ZMAT1: variants seen among roughly 807,000 people sequenced by gnomAD.
ZMAT1 encodes zinc finger matrin-type 1, also known as zinc finger matrin-type protein 1.
In ZMAT1, 11 loss-of-function variants were observed where a neutral mutation model predicts 18.5. That is an observed-to-expected ratio of 0.59 (90% confidence interval 0.37 to 0.98). ZMAT1 has a LOEUF of 0.98. ZMAT1 is among the 50% of genes least tolerant of loss of function. The probability of loss-of-function intolerance (pLI) is 0.01; values close to 1 mark genes in which losing one functional copy is unlikely to be tolerated. For missense variants in ZMAT1, 525 were observed against 496.2 expected (o/e 1.06, Z -0.55); for synonymous variants, 211 against 176.4 (o/e 1.20, Z -1.55).
chrX:101,884,814 T>C lies in ZMAT1; in HGVS notation c.784A>G (p.Ile262Val), dbSNP rs760026531. 1.2e-5 allele frequency: 13 copies of C among 1,110,894 alleles called. No homozygotes were observed. The highest frequency in any genetic ancestry group is 1.6e-5 in the Non-Finnish European group (13 of 812,161). The allele number at this position is 1,110,894 out of a possible 1,213,427, so 91.6% of individuals were successfully genotyped here. A position where few individuals can be genotyped will look rare whatever the true frequency, so the allele number is the denominator to read the frequency against. Residue 262 changes from isoleucine (I) to valine (V), a missense_variant, in exon 6 of 6, where the codon ATT (isoleucine) becomes GTT (valine). Ile to Val is a conservative substitution (Grantham distance 29). Coordinates refer to ENST00000651725, the MANE Select transcript of ZMAT1 (RefSeq NM_001394560.1). The part of the protein sequence containing the change: ...QGSEHQIKES[I>V]VINLVKNSRK... ...GAATTCTTCACTAGATTGATAACAA[T>C]GGATTCTCTGTAAAGAAGACAGTAG...
intron 1 of ZMAT1, chrX:101,911,637 C>A (rs1928968984): frequency 8.3e-7 from 1 of 1,200,309 alleles, no homozygotes; most frequent in African/African-American, 1.8e-5. Context: ...ATTAGCGAAT[C>A]CACGCTGGGG....
chrX:101,920,651 C>T (rs190222393), intron 1 of ZMAT1, among the ~76,000 whole-genome samples: 1 of 111,927 alleles, frequency 8.9e-6, no homozygotes, highest in East Asian at 2.8e-4. Flanking sequence ...CGGATTTATC[C>T]AAATTTTTTC....
Position 101,883,631 on chromosome X carries a change from T to C in ZMAT1, c.1967A>G (p.Lys656Arg), listed in dbSNP as rs1212358960. 7 of 1,207,476 alleles carry C rather than the reference T, an allele frequency of 5.8e-6. No individual in the cohort carries two copies. The highest frequency in any genetic ancestry group is 7.8e-6 in the Non-Finnish European group (7 of 894,549). The change falls in exon 6 of 6, where the codon AAA (lysine) becomes AGA (arginine). Residue 656 changes from lysine to arginine, a missense_variant. Transcript: ENST00000651725. ...CTCGGAGGGTACATCATGGCTTTTT[T>C]TCTTTTTTCGATGCTTAAGCTTTCC... ...SSGKLKHRKK[K>R]KSHDVPSEKE...
At chrX:101,925,958 C>T (rs1930030546) in intron 1 of ZMAT1, among the ~76,000 whole-genome samples, 1 of 112,154 alleles carries the variant, frequency 8.9e-6, no homozygotes. Flanking sequence ...TCAAATATCC[C>T]GTGAGGCAAA....
At chrX:101,928,556 AC>A (rs1270988906) in intron 1 of ZMAT1, among the ~76,000 whole-genome samples, 1 of 112,059 alleles carries the variant, frequency 8.9e-6, no homozygotes, top group Non-Finnish European at 1.9e-5. Flanking sequence ...ACAGGGTTTC[AC>A]CGTGTTAGCC....
intron 1 of ZMAT1, among the ~76,000 whole-genome samples, chrX:101,927,380 G>A (rs1930119079): frequency 8.9e-6 from 1 of 111,891 alleles, no homozygotes; most frequent in Non-Finnish European, 1.9e-5. Flanking sequence ...ACCACTCACA[G>A]CTATAATGCT....
chrX:101,906,770 C>CA (rs1236442586), intron 1 of ZMAT1, among the ~76,000 whole-genome samples: 13 of 112,188 alleles, frequency 1.2e-4, no homozygotes, highest in Non-Finnish European at 2.4e-4. Flanking sequence ...TCTGCAGACT[C>CA]AGGCTCCAGG....
intron 1 of ZMAT1, among the ~76,000 whole-genome samples, chrX:101,929,443 A>C (rs1422986057): frequency 1.2e-5 from 1 of 85,781 alleles, no homozygotes; most frequent in African/African-American, 4.8e-5. Context: ...ATATATATAT[A>C]TATATATATA....
chrX:101,898,336 TAC>T (rs755106934), intron 2 of ZMAT1, 116 bp from the exon 3 acceptor site: 8 of 569,299 alleles, frequency 1.4e-5, no homozygotes, highest in Non-Finnish European at 2.2e-5. Context: ...TCAAACTTGG[TAC>T]AGACTCACAT....
intron 1 of ZMAT1, among the ~76,000 whole-genome samples, chrX:101,927,582 T>A (rs1930131957): frequency 8.9e-6 from 1 of 112,434 alleles, no homozygotes; most frequent in Non-Finnish European, 1.9e-5. Flanking sequence ...AACATTTACA[T>A]TGTCTTTATT....
At chrX:101,900,684 A>G (rs780946684) in intron 2 of ZMAT1, among the ~76,000 whole-genome samples, 1 of 112,036 alleles carries the variant, frequency 8.9e-6, no homozygotes, top group South Asian at 3.7e-4. Flanking sequence ...AACCAGTACC[A>G]TTCTATTTTG....
At chrX:101,931,468 G>C (rs1930477990) in intron 1 of ZMAT1, 1 of 751,882 alleles carries the variant, frequency 1.3e-6, no homozygotes, top group Admixed American at 8.8e-5. Context: ...ATGAGTACCT[G>C]CAATTCTTTT....
chrX:101,887,396 G>T, intron 4 of ZMAT1: 1 of 274,103 alleles, frequency 3.6e-6, no homozygotes, highest in Non-Finnish European at 5.0e-6. Flanking sequence ...CACTTTGTAG[G>T]TAGAATTAGA....
rs143210492 is a variant in ZMAT1 at position 101,886,937 on chromosome X, T to C, written c.677-206A>G. ...GCCTCTCAGAGCCCACACCTCTTAA[T>C]TGAATGCCCAGAATTCTTTACACCA... On this transcript the variant is annotated intron_variant, in intron 4 of 5. Coordinates refer to ENST00000651725, the MANE Select transcript of ZMAT1 (RefSeq NM_001394560.1). The C allele has an allele frequency of 6.1e-3, 2,053 of 337,764 alleles. 35 individuals carry two copies. Among genetic ancestry groups the C allele is most frequent in the African/African-American group, 0.049 (1,860 of 37,599 alleles). The allele number at this position is 337,764 out of a possible 1,213,427, so 27.8% of individuals were successfully genotyped here. A position where few individuals can be genotyped will look rare whatever the true frequency, so the allele number is the denominator to read the frequency against.
intron 1 of ZMAT1, among the ~76,000 whole-genome samples, chrX:101,931,264 G>A (rs1311008904): frequency 4.5e-5 from 5 of 111,586 alleles, no homozygotes; most frequent in South Asian, 3.7e-4. Flanking sequence ...TATTTCTTCG[G>A]TATTTCCTCT....
At position 101,882,386 on chromosome X, in the gene ZMAT1, G is replaced by A. The variant is rs995254001; in HGVS notation, c.*1124C>T. The A allele has an allele frequency of 9.0e-5, 10 of 111,696 alleles. No individual in the cohort carries two copies. Among genetic ancestry groups the A allele is most frequent in the African/African-American group, 3.3e-4 (10 of 30,742 alleles). The allele number at this position is 111,696 out of a possible 1,213,427, so 9.2% of individuals were successfully genotyped here. On this transcript the variant is annotated 3_prime_UTR_variant, in exon 6 of 6. Coordinates refer to ENST00000651725, the MANE Select transcript of ZMAT1 (RefSeq NM_001394560.1). Reference sequence around the variant, plus strand: ...CGTTTTAAAACTATATATCATCTAAGTTTATTATAGACTGTTTCATTTTCC... The same window carrying A: ...CGTTTTAAAACTATATATCATCTAAATTTATTATAGACTGTTTCATTTTCC...
chrX:101,905,436 T>A (rs1030801262), intron 1 of ZMAT1, among the ~76,000 whole-genome samples: 1 of 112,436 alleles, frequency 8.9e-6, no homozygotes, highest in African/African-American at 3.2e-5. Context: ...TTATACAGTA[T>A]GAGTCACAAA....
At chrX:101,894,658 G>T in intron 4 of ZMAT1, 1 of 612,761 alleles carries the variant, frequency 1.6e-6, no homozygotes, top group African/African-American at 2.5e-5. Context: ...CTACATTTAG[G>T]TAATGAATAA....
intron 2 of ZMAT1, among the ~76,000 whole-genome samples, chrX:101,903,564 A>T (rs1255290821): frequency 8.9e-6 from 1 of 111,751 alleles, no homozygotes; most frequent in Non-Finnish European, 1.9e-5. Context: ...CCAGATATGA[A>T]AGAAATCCAA....
Sources: gnomAD v4.1 joint callset for allele counts (sites outside exome capture counted in the v4.1 genomes callset) on GRCh38, gnomAD v4.1.1 for gene constraint, MANE v1.5 for transcripts, NCBI Gene and HGNC (gene_info 2026-07-23, HGNC 2026-07-21) for gene names.